The following TRAPPC9 variants were observed in gnomAD, a reference collection of about 807,000 sequenced individuals.
The protein encoded by TRAPPC9 is trafficking protein particle complex subunit 9.
A neutral mutation model predicts 124.0 loss-of-function variants in TRAPPC9; 83 were observed. The observed-to-expected ratio is 0.67, with a 90% CI of 0.56 to 0.80. TRAPPC9 has a LOEUF of 0.80. Among genes scored for constraint, TRAPPC9 ranks in the 30% least tolerant of loss-of-function variants. TRAPPC9 has a pLI of 0.00. For missense variants in TRAPPC9, 1,302 were observed against 1,508.3 expected, an observed-to-expected ratio of 0.86 and a Z score of 2.27; for synonymous variants, 638 against 617.5, an observed-to-expected ratio of 1.03 and a Z score of -0.49.
intron 17 of TRAPPC9, among the ~76,000 whole-genome samples, chr8:140,072,288 C>T (rs1843203258): frequency 6.6e-6 from 1 of 152,172 alleles, no homozygotes; most frequent in Non-Finnish European, 1.5e-5. Flanking sequence ...AATCCTAGCA[C>T]TTTGGGAGGC....
intron 17 of TRAPPC9, among the ~76,000 whole-genome samples, chr8:140,078,693 G>A (rs1843646280): frequency 1.3e-5 from 2 of 152,094 alleles, no homozygotes; most frequent in African/African-American, 4.8e-5. Context: ...CATCTTCTGA[G>A]GAGCCCATGC....
chr8:139,745,949 C>T (rs1818855663), intron 21 of TRAPPC9, among the ~76,000 whole-genome samples: 1 of 152,272 alleles, frequency 6.6e-6, no homozygotes, highest in Non-Finnish European at 1.5e-5. Context: ...TTCCGAGAGG[C>T]ATCGTCCTGC....
chr8:139,746,570 C>T (rs1162637321), intron 21 of TRAPPC9, among the ~76,000 whole-genome samples: 4 of 152,162 alleles, frequency 2.6e-5, no homozygotes, highest in African/African-American at 4.8e-5. Flanking sequence ...GACGAAGACA[C>T]GAGGTGGTCA....
At chr8:139,999,766 C>T (rs777645881) in intron 18 of TRAPPC9, among the ~76,000 whole-genome samples, 5 of 152,168 alleles carry the variant, frequency 3.3e-5, no homozygotes, top group Non-Finnish European at 7.4e-5. Flanking sequence ...AGAAGGAAAG[C>T]TAGAATAACT....
In TRAPPC9 at chr8:140,216,284, G is replaced by A. The variant is rs1372071588; in HGVS notation, c.2556+5175C>T. On this transcript the variant is annotated intron_variant, in intron 17 of 22. Transcript: ENST00000438773. This position sits in a 1 kb window ranked among gnomAD's most constrained non-coding sequence, Gnocchi z 4.1. Reference sequence around the variant, plus strand: ...TTTTAATCATTACATTTAAATACATGTACGAACATTCATCTCTATCTATAT... The same window carrying A: ...TTTTAATCATTACATTTAAATACATATACGAACATTCATCTCTATCTATAT... Among the ~76,000 whole-genome samples, 1 of 152,120 alleles carries A rather than the reference G, an allele frequency of 6.6e-6. No homozygotes were observed. The highest frequency in any genetic ancestry group is 2.4e-5 in the African/African-American group (1 of 41,416).
At chr8:140,399,442 G>A (rs532041739) in intron 6 of TRAPPC9, among the ~76,000 whole-genome samples, 16 of 152,350 alleles carry the variant, frequency 1.1e-4, no homozygotes, top group African/African-American at 3.8e-4. Flanking sequence ...GGGCAGGGTT[G>A]CCCAAGACCA....
intron 21 of TRAPPC9, among the ~76,000 whole-genome samples, chr8:139,799,601 C>T (rs369764992): frequency 1.1e-4 from 17 of 152,204 alleles, no homozygotes; most frequent in African/African-American, 3.6e-4. Flanking sequence ...TTCCATCAGA[C>T]CCTGTATCCC....
intron 17 of TRAPPC9, among the ~76,000 whole-genome samples, chr8:140,115,270 G>T (rs34014330): frequency 0.12 from 16,559 of 142,480 alleles, 1,277 homozygotes; most frequent in African/African-American, 0.22. Flanking sequence ...TGTTATAATG[G>T]TTTTTTTTTT....
intron 21 of TRAPPC9, among the ~76,000 whole-genome samples, chr8:139,876,422 C>T (rs1348868357): frequency 6.6e-6 from 1 of 152,216 alleles, no homozygotes; most frequent in African/African-American, 2.4e-5. Context: ...ACCGGGACTC[C>T]TTCCCAGGAA....
intron 17 of TRAPPC9, among the ~76,000 whole-genome samples, chr8:140,145,502 G>A (rs1422550167): frequency 6.6e-6 from 1 of 152,092 alleles, no homozygotes; most frequent in Non-Finnish European, 1.5e-5. Context: ...AATAAATGGT[G>A]AACTTTACTG....
intron 4 of TRAPPC9, among the ~76,000 whole-genome samples, chr8:140,433,785 A>T (rs1461980016): frequency 6.6e-6 from 1 of 152,222 alleles, no homozygotes; most frequent in African/African-American, 2.4e-5. Flanking sequence ...TAGGATCTAG[A>T]GGCAAAGAAC....
At chr8:139,877,468 G>A (rs547413008) in intron 21 of TRAPPC9, among the ~76,000 whole-genome samples, 3 of 152,308 alleles carry the variant, frequency 2.0e-5, no homozygotes, top group Admixed American at 6.5e-5. Flanking sequence ...GGGCTGAGAC[G>A]GAGGGGTCTC....
chr8:140,135,299 C>T (rs1355284000), intron 17 of TRAPPC9, among the ~76,000 whole-genome samples: 2 of 152,148 alleles, frequency 1.3e-5, no homozygotes, highest in Admixed American at 1.3e-4. Flanking sequence ...GTCATAGAAA[C>T]TCCACTCCCA....
chr8:140,303,279 T>C (rs146612108), intron 10 of TRAPPC9, among the ~76,000 whole-genome samples: 1 of 152,196 alleles, frequency 6.6e-6, no homozygotes, highest in African/African-American at 2.4e-5. Context: ...TAAAAAAAAA[T>C]ATTCAATGAG....
intron 12 of TRAPPC9, among the ~76,000 whole-genome samples, chr8:140,289,142 A>G (rs1324431168): frequency 1.3e-5 from 2 of 151,960 alleles, no homozygotes; most frequent in Non-Finnish European, 2.9e-5. Flanking sequence ...ATGTGTACAT[A>G]TATGTAGGCA....
At chr8:140,049,842 T>C (rs539755221) in intron 17 of TRAPPC9, among the ~76,000 whole-genome samples, 2 of 152,276 alleles carry the variant, frequency 1.3e-5, no homozygotes, top group Admixed American at 1.3e-4. Context: ...CGAGCTTTAT[T>C]CCTCATTGTA....
chr8:139,932,448 G>C (rs1318653975), intron 19 of TRAPPC9: 1 of 457,820 alleles, frequency 2.2e-6, no homozygotes, highest in Non-Finnish European at 4.4e-6. Context: ...GATGTTGGCT[G>C]ACCTGACTCC....
intron 17 of TRAPPC9, among the ~76,000 whole-genome samples, chr8:140,214,268 C>G (rs1388779743): frequency 1.3e-5 from 2 of 152,214 alleles, no homozygotes; most frequent in Admixed American, 1.3e-4. Flanking sequence ...AGGGTAGACA[C>G]CAGCCTGGCT....
At chr8:140,232,418 C>T (rs2063621381) in intron 16 of TRAPPC9, among the ~76,000 whole-genome samples, 1 of 122,548 alleles carries the variant, frequency 8.2e-6, no homozygotes, top group Admixed American at 8.6e-5. Context: ...GTATGAACTG[C>T]TTTTGTCCTT....
Sources: gnomAD v4.1 joint callset for allele counts (sites outside exome capture counted in the v4.1 genomes callset) on GRCh38, gnomAD v4.1.1 for gene constraint, Gnocchi (gnomAD v3.1) non-coding constraint, MANE v1.5 for transcripts, NCBI Gene and HGNC (gene_info 2026-07-23, HGNC 2026-07-21) for gene names.